Variants in SEMA3G observed in about 807,000 individuals in gnomAD.
SEMA3G encodes the protein semaphorin-3G.
In SEMA3G, 70 loss-of-function variants were observed where a neutral mutation model predicts 86.2. The ratio of observed to expected loss-of-function variants is 0.81; its 90% confidence interval spans 0.67 to 0.99. SEMA3G has a LOEUF of 0.99. Ranked by LOEUF, SEMA3G falls within the 50% of genes least tolerant of loss-of-function variation. The probability of loss-of-function intolerance (pLI) is 0.00; values close to 1 mark genes in which losing one functional copy is unlikely to be tolerated. For missense variants in SEMA3G, 1,002 were observed against 1,072.4 expected (o/e 0.93, Z 0.92); for synonymous variants, 416 against 441.4 (o/e 0.94, Z 0.72).
rs776114255 is a variant in SEMA3G at position 52,435,632 on chromosome 3, G to A, written c.2320C>T (p.Arg774Trp). 19 of 1,613,428 alleles carry A rather than the reference G, an allele frequency of 1.2e-5. No homozygotes were observed. The highest frequency in any genetic ancestry group is 1.6e-4 in the Middle Eastern group (1 of 6,074). ...MKSRVHAEHN[R>W]TPREVEAT is the part of the protein sequence containing the mutation. ...GTGGCCTCCACCTCCCGGGGCGTCC[G>A]ATTGTGCTCGGCATGCACCCGGCTC... The change falls in exon 16 of 16, where the codon CGG becomes TGG. Residue 774 changes from arginine to tryptophan, a missense_variant. Transcript: ENST00000231721.
Position 52,441,250 on chromosome 3 carries a change from T to G in SEMA3G, c.813+14A>C. 6.2e-7 allele frequency: 1 copy of G among 1,611,204 alleles called. No individual in the cohort carries two copies. The highest frequency in any genetic ancestry group is 8.5e-7 in the Non-Finnish European group (1 of 1,178,778). ...GCAGGGACTTGAACCTCACCACCCC[T>G]TCCCAGCTCTTACCACGCAGACGCG... On this transcript the variant is annotated intron_variant, in intron 7 of 15. Coordinates refer to ENST00000231721, the MANE Select transcript of SEMA3G (RefSeq NM_020163.3).
intron 1 of SEMA3G, among the ~76,000 whole-genome samples, chr3:52,444,681 G>C (rs1219196829): frequency 9.5e-6 from 1 of 104,718 alleles, no homozygotes; most frequent in East Asian, 2.7e-4. Context: ...CACGGCACAC[G>C]CAAACTCGGC....
At chr3:52,439,575 TA>T in intron 12 of SEMA3G, 104 bp downstream of exon 12, 1 of 895,486 alleles carries the variant, frequency 1.1e-6, no homozygotes, top group Non-Finnish European at 1.8e-6. Flanking sequence ...GCAAATTCAG[TA>T]AAGACAGGCT....
At chr3:52,437,402 CT>C (rs1399828785) in intron 15 of SEMA3G, 124 bp downstream of exon 15, 27 of 1,143,248 alleles carry the variant, frequency 2.4e-5, no homozygotes, top group African/African-American at 6.2e-5. Context: ...CTAATACAAA[CT>C]TTTTTTAGGT....
In SEMA3G at chr3:52,435,027, G is replaced by A. The variant is rs905867950; in HGVS notation, c.*576C>T. The A allele has an allele frequency of 6.5e-6, 1 of 154,424 alleles. No individual in the cohort carries two copies. The highest frequency in any genetic ancestry group is 2.4e-5 in the African/African-American group (1 of 41,434). The allele number at this position is 154,424 out of a possible 1,614,324, so 9.6% of individuals were successfully genotyped here. The stretch of plus-strand genomic sequence containing the variant: ...AGATGGAGAAGAGGCGGTGGGCAGT[G>A]GCAGGGAGCCACCAAGATATCACGG... On this transcript the variant is annotated 3_prime_UTR_variant, in exon 16 of 16. Coordinates refer to ENST00000231721, the MANE Select transcript of SEMA3G (RefSeq NM_020163.3).
At chr3:52,440,311 C>T in intron 10 of SEMA3G, 66 bp downstream of exon 10, 1 of 1,489,670 alleles carries the variant, frequency 6.7e-7, no homozygotes, top group Non-Finnish European at 8.9e-7. Context: ...TGAGGCCACT[C>T]CAAGGAGCCC....
rs1706078144 is a variant in SEMA3G, at chr3:52,438,020, G to A, written c.1689C>T (p.Asp563=). The A allele has an allele frequency of 6.2e-7, 1 of 1,612,912 alleles. No homozygotes were observed. The highest frequency in any genetic ancestry group is 8.5e-7 in the Non-Finnish European group (1 of 1,179,982). ...SLGKRRFRRQ[D]IRHGNPALQC... is the part of the protein sequence containing the mutation. The stretch of plus-strand genomic sequence containing the variant: ...GCAGGGCAGGGTTGCCGTGCCGGAT[G>A]TCCTGCCGGCGGAACCGGCGCTTGC... Residue 563 remains aspartate, a synonymous_variant, in exon 14 of 16, where the codon GAC becomes GAT. Transcript: ENST00000231721.
intron 15 of SEMA3G, among the ~76,000 whole-genome samples, chr3:52,436,528 C>T (rs1265059433): frequency 6.6e-6 from 1 of 152,242 alleles, no homozygotes; most frequent in Non-Finnish European, 1.5e-5. Flanking sequence ...GTGCGTGTGC[C>T]CACGCACACA....
At position 52,437,676 on chromosome 3, in the gene SEMA3G, G is replaced by A. The variant is rs1202518765; in HGVS notation, c.1739-10C>T. On this transcript the variant is annotated splice_polypyrimidine_tract_variant and intron_variant, in intron 14 of 15. Transcript: ENST00000231721. Reference sequence around the variant, plus strand: ...AGTCCCACTGCCTCTTCTGGAGAGAGGCAGAGGTTGGCTCAGCTTGGGAAC... The same window carrying A: ...AGTCCCACTGCCTCTTCTGGAGAGAAGCAGAGGTTGGCTCAGCTTGGGAAC... 4 of 1,605,704 alleles carry A rather than the reference G, an allele frequency of 2.5e-6. No individual in the cohort carries two copies. Among genetic ancestry groups the A allele is most frequent in the Admixed American group, 3.4e-5 (2 of 59,696 alleles).
intron 13 of SEMA3G, chr3:52,438,421 G>A (rs1706088771): frequency 2.0e-6 from 2 of 985,312 alleles, no homozygotes; most frequent in East Asian, 1.1e-4. Context: ...GACCTGGGAT[G>A]TTTTCTCTAA....
In SEMA3G at chr3:52,434,247, TCC is replaced by T. The variant is rs1414430999; in HGVS notation, c.*1354_*1355del. On this transcript the variant is annotated 3_prime_UTR_variant, in exon 16 of 16. Transcript: ENST00000231721. This position sits in a 1 kb window ranked among gnomAD's most constrained non-coding sequence, Gnocchi z 5.2. Reference sequence around the variant, plus strand: ...ACAACTTTTCATTTAGTCCTCCTCCTCCCCTCTGTGCTCCCCAGCCTGAGAAA... The same window carrying T: ...ACAACTTTTCATTTAGTCCTCCTCCTCCTCTGTGCTCCCCAGCCTGAGAAA... The T allele has an allele frequency of 6.6e-6, 1 of 151,968 alleles. No homozygotes were observed. The highest frequency in any genetic ancestry group is 1.5e-5 in the Non-Finnish European group (1 of 67,970). 9.4% of individuals were successfully genotyped at this position (151,968 alleles called of 1,614,324 possible).
At position 52,435,962 on chromosome 3, in the gene SEMA3G, G is replaced by T. The variant is rs1256471767; in HGVS notation, c.1990C>A (p.Gln664Lys). Residue 664 changes from glutamine to lysine, a missense_variant, in exon 16 of 16, where the codon CAG becomes AAG. Coordinates refer to ENST00000231721, the MANE Select transcript of SEMA3G (RefSeq NM_020163.3). ...ACCAGAGCCAGGCGGACCACAGTCT[G>T]GGAGAAGCCATGCTCCAGAGTGGTG... ...TCTTLEHGFS[Q>K]TVVRLALVVI... 1 of 1,614,016 alleles carries T rather than the reference G, an allele frequency of 6.2e-7. No homozygotes were observed. Among genetic ancestry groups the T allele is most frequent in the East Asian group, 2.2e-5 (1 of 44,884 alleles).
At chr3:52,443,112 C>T (rs1706192599) in intron 1 of SEMA3G, 1 of 1,421,572 alleles carries the variant, frequency 7.0e-7, no homozygotes, top group Non-Finnish European at 9.5e-7. Flanking sequence ...TCCCACCTGG[C>T]CCAGCCTACC....
chr3:52,442,153 C>T lies in SEMA3G; in HGVS notation c.459+32G>A, dbSNP rs533100706. The T allele has an allele frequency of 6.2e-7, 1 of 1,601,548 alleles. No individual in the cohort carries two copies. The highest frequency in any genetic ancestry group is 1.1e-5 in the South Asian group (1 of 89,930). On this transcript the variant is annotated intron_variant, in intron 4 of 15. Coordinates refer to ENST00000231721, the MANE Select transcript of SEMA3G (RefSeq NM_020163.3). This position sits in a 1 kb window ranked among gnomAD's most constrained non-coding sequence, Gnocchi z 6.1. ...AGCAGGGAGGAAATGTCACTGCCTC[C>T]CAGTCCCTTGTGGGGCCTGGCCCAG...
rs1444245500 is a variant in SEMA3G at position 52,433,941 on chromosome 3, C to G, written c.*1662G>C. On this transcript the variant is annotated 3_prime_UTR_variant, in exon 16 of 16. Coordinates refer to ENST00000231721, the MANE Select transcript of SEMA3G (RefSeq NM_020163.3). ...CTTCTCAGGGCGTTGATAGGTTAATCTCAGTGCTTCTGGTTCATTTATTAC... is the reference window on the plus strand; with the variant it reads ...CTTCTCAGGGCGTTGATAGGTTAATGTCAGTGCTTCTGGTTCATTTATTAC... 1.3e-5 allele frequency: 2 copies of G among 152,216 alleles called. No homozygotes were observed. Among genetic ancestry groups the G allele is most frequent in the Non-Finnish European group, 2.9e-5 (2 of 68,078 alleles). 9.4% of individuals were successfully genotyped at this position (152,216 alleles called of 1,614,324 possible).
In SEMA3G at chr3:52,437,379, G is replaced by A. The variant is rs990571881; in HGVS notation, c.1878+148C>T. The A allele has an allele frequency of 7.6e-6, 6 of 791,426 alleles. No homozygotes were observed. In the South Asian group the frequency reaches 9.3e-5, roughly 12 times the overall value. 49.0% of individuals were successfully genotyped at this position (791,426 alleles called of 1,614,324 possible). The stretch of plus-strand genomic sequence containing the variant: ...GCAAAAATAGGGCACCTCCTTCTAG[G>A]CACCCCAGGAGCCTAATACAAACTT... On this transcript the variant is annotated intron_variant, in intron 15 of 15. Coordinates refer to ENST00000231721, the MANE Select transcript of SEMA3G (RefSeq NM_020163.3).
At chr3:52,438,874 C>T in intron 13 of SEMA3G, 46 bp downstream of exon 13, 1 of 1,609,188 alleles carries the variant, frequency 6.2e-7, no homozygotes, top group Non-Finnish European at 8.5e-7. Context: ...GGCTGCGGAG[C>T]AGGGGCAGAA....
Position 52,442,242 on chromosome 3 carries a change from A to G in SEMA3G, c.402T>C (p.Cys134=). Residue 134 remains cysteine, a synonymous_variant, in exon 4 of 16, where the codon TGT becomes TGC. Coordinates refer to ENST00000231721, the MANE Select transcript of SEMA3G (RefSeq NM_020163.3). This position sits in a 1 kb window ranked among gnomAD's most constrained non-coding sequence, Gnocchi z 6.1. ...AGGTGGGCTGGAAGGCCCCAGTGCC[A>G]CAGGCTAGCAGGTGGGTCCGGTTGT... The part of the protein sequence containing the change: ...QPHNRTHLLA[C]GTGAFQPTCA... 6.2e-7 allele frequency: 1 copy of G among 1,613,844 alleles called. No individual in the cohort carries two copies. Among genetic ancestry groups the G allele is most frequent in the Non-Finnish European group, 8.5e-7 (1 of 1,179,916 alleles).
At chr3:52,439,584 G>T in intron 12 of SEMA3G, 96 bp downstream of exon 12, 2 of 976,496 alleles carry the variant, frequency 2.0e-6, no homozygotes, top group African/African-American at 1.6e-5. Context: ...GTAAAGACAG[G>T]CTGGCTCCCT....
Sources: allele counts gnomAD v4.1 joint callset (sites outside exome capture counted in the v4.1 genomes callset), GRCh38; gene constraint gnomAD v4.1.1; non-coding constraint Gnocchi (gnomAD v3.1); transcripts MANE v1.5; gene names NCBI Gene and HGNC (gene_info 2026-07-23, HGNC 2026-07-21).